ARMC9: variants seen among roughly 807,000 people sequenced by gnomAD.
The protein encoded by ARMC9 is lisH domain-containing protein ARMC9.
A neutral mutation model predicts 107.0 loss-of-function variants in ARMC9; 94 were observed. The observed-to-expected ratio is 0.88, with a 90% CI of 0.74 to 1.04. The LOEUF is 1.04. ARMC9 is among the 50% of genes least tolerant of loss of function. The probability of loss-of-function intolerance (pLI) is 0.00; values close to 1 mark genes in which losing one functional copy is unlikely to be tolerated. For synonymous variants in ARMC9, 380 were observed against 396.9 expected (o/e 0.96, Z 0.51); for missense variants, 942 against 1,030.1 (o/e 0.91, Z 1.17).
At chr2:231,330,575 A>G (rs1669078) in intron 19 of ARMC9, among the ~76,000 whole-genome samples, 55,282 of 151,852 alleles carry the variant, frequency 0.36, 10,253 homozygotes, top group African/African-American at 0.42. Context: ...CCTCCTTACC[A>G]CCCAGCAGGG....
At chr2:231,235,948 A>G (rs180679131) in intron 8 of ARMC9, among the ~76,000 whole-genome samples, 24 of 152,198 alleles carry the variant, frequency 1.6e-4, no homozygotes, top group African/African-American at 5.5e-4. Context: ...GGCCCTTTTT[A>G]AAAAATATAT....
chr2:231,291,202 A>G lies in ARMC9; in HGVS notation c.1627-151A>G, dbSNP rs2040963022. ...GAATTTTTGTATCTATCTCTTAAAC[A>G]TATCTGTCTCCTCTTCTCTGTCCCC... is the stretch of plus-strand genomic sequence containing the variant. On this transcript the variant is annotated intron_variant, in intron 17 of 24. Transcript: ENST00000611582. The G allele has an allele frequency of 2.9e-5, 17 of 587,494 alleles. 1 individual carries two copies. The South Asian group carries it at 3.0e-4, about 10-fold the overall frequency. 36.4% of individuals were successfully genotyped at this position (587,494 alleles called of 1,614,324 possible).
Position 231,259,069 on chromosome 2 carries a change from C to T in ARMC9, c.993C>T (p.Arg331=). 1 of 1,614,138 alleles carries T rather than the reference C, an allele frequency of 6.2e-7. No individual in the cohort carries two copies. The highest frequency in any genetic ancestry group is 8.5e-7 in the Non-Finnish European group (1 of 1,179,992). ...LKKDLILGSD[R]LKAFLLQALR... The stretch of plus-strand genomic sequence containing the variant: ...AGGATTTGATTTTGGGGAGTGACCG[C>T]TTGAAAGCCTTCTTGTTGCAGGCTC... The change falls in exon 11 of 25, where the codon CGC becomes CGT. Residue 331 remains arginine, a synonymous_variant. Transcript: ENST00000611582.
In ARMC9 at chr2:231,277,687, C is replaced by T. The variant is rs140204053; in HGVS notation, c.1475-695C>T. 3.5e-3 allele frequency among the ~76,000 whole-genome samples: 524 copies of T among 151,818 alleles called. 4 individuals carry two copies. Among genetic ancestry groups the T allele is most frequent in the African/African-American group, 0.012 (487 of 41,378 alleles). ...AAGCGATTCTCCTGCCTCAGCCTCC[C>T]GAGTAGCTGGGATTACAGGTGCCCA... On this transcript the variant is annotated intron_variant, in intron 15 of 24. Transcript: ENST00000611582.
intron 8 of ARMC9, among the ~76,000 whole-genome samples, chr2:231,239,216 T>C (rs974366546): frequency 2.0e-5 from 3 of 152,248 alleles, no homozygotes; most frequent in Admixed American, 2.0e-4. Context: ...ACATTATTTT[T>C]TTAAAAAGAA....
rs139949634 is a variant in ARMC9 at position 231,309,461 on chromosome 2, GATAA to G, written c.1773+13215_1773+13218del. Among the ~76,000 whole-genome samples the G allele has an allele frequency of 6.5e-3, 986 of 152,134 alleles. 16 individuals carry two copies. Among genetic ancestry groups the G allele is most frequent in the African/African-American group, 0.022 (925 of 41,496 alleles). On this transcript the variant is annotated intron_variant, in intron 19 of 24. Coordinates refer to ENST00000611582, the MANE Select transcript of ARMC9 (RefSeq NM_001352754.2). ...GCATATTTCTAGTTTTTCATTATTTGATAAATAAATGCATTCTACATTATTTCAT... is the reference window on the plus strand; with the variant it reads ...GCATATTTCTAGTTTTTCATTATTTGATAAATGCATTCTACATTATTTCAT...
intron 23 of ARMC9, 150 bp downstream of exon 23, chr2:231,361,033 C>T: frequency 7.7e-7 from 1 of 1,297,864 alleles, no homozygotes; most frequent in Non-Finnish European, 1.0e-6. Flanking sequence ...GTCAAGATTC[C>T]CAGCGGAGTG....
At chr2:231,371,366 G>A in intron 24 of ARMC9, 147 bp from the exon 25 acceptor site, 1 of 994,770 alleles carries the variant, frequency 1.0e-6, no homozygotes, top group African/African-American at 1.6e-5. Flanking sequence ...CGGCCCGCCA[G>A]TCGAGCCCAG....
intron 21 of ARMC9, 54 bp downstream of exon 21, chr2:231,345,144 T>G: frequency 1.9e-6 from 3 of 1,602,378 alleles, no homozygotes; most frequent in Non-Finnish European, 2.5e-6. Flanking sequence ...TTGTTTTGAT[T>G]ACAGTGTAAG....
At chr2:231,269,761 A>G (rs1223635020) in intron 12 of ARMC9, among the ~76,000 whole-genome samples, 2 of 152,034 alleles carry the variant, frequency 1.3e-5, no homozygotes, top group African/African-American at 4.8e-5. Flanking sequence ...CTCTTGTTTC[A>G]TGGATATAAT....
At chr2:231,314,808 A>G (rs951931336) in intron 19 of ARMC9, among the ~76,000 whole-genome samples, 1 of 152,114 alleles carries the variant, frequency 6.6e-6, no homozygotes, top group South Asian at 2.1e-4. Context: ...TAGGTATAGG[A>G]CCATTTTTAG....
intron 9 of ARMC9, 166 bp downstream of exon 9, chr2:231,240,207 G>A (rs1251539167): frequency 3.0e-6 from 2 of 672,736 alleles, no homozygotes; most frequent in African/African-American, 3.6e-5. Flanking sequence ...TTTTTGAAGA[G>A]GGTACAGCTG....
At chr2:231,252,721 C>G (rs1042157592) in intron 9 of ARMC9, among the ~76,000 whole-genome samples, 2 of 151,984 alleles carry the variant, frequency 1.3e-5, no homozygotes, top group Admixed American at 1.3e-4. Flanking sequence ...ACTGCAGCCT[C>G]AACCTCCCAG....
chr2:231,340,758 C>T (rs2044447740), intron 20 of ARMC9, among the ~76,000 whole-genome samples: 1 of 152,068 alleles, frequency 6.6e-6, no homozygotes, highest in South Asian at 2.1e-4. Context: ...CATGGTGGCA[C>T]ATGCCTGTAG....
rs115863912 is a variant in ARMC9 at position 231,360,992 on chromosome 2, C to T, written c.2261+109C>T. On this transcript the variant is annotated intron_variant, in intron 23 of 24. Coordinates refer to ENST00000611582, the MANE Select transcript of ARMC9 (RefSeq NM_001352754.2). The surrounding 1 kb of genome is among the most constrained non-coding windows in gnomAD (Gnocchi z 4.7). ...AGACCTGGAAGGCTCCTCTGAGGCC[C>T]AGCCTCTGACAGGGGAGGCTAAGGA... 1.8e-3 allele frequency: 2,586 copies of T among 1,406,160 alleles called. 47 individuals are homozygous for T. The African/African-American group carries it at 0.029, about 16-fold the overall frequency. 87.1% of individuals were successfully genotyped at this position (1,406,160 alleles called of 1,614,324 possible).
chr2:231,255,052 C>A lies in ARMC9; in HGVS notation c.880-1534C>A, dbSNP rs569179711. Among the ~76,000 whole-genome samples the A allele has an allele frequency of 6.6e-6, 1 of 152,286 alleles. No homozygotes were observed. Among genetic ancestry groups the A allele is most frequent in the Non-Finnish European group, 1.5e-5 (1 of 68,034 alleles). Reference sequence around the variant, plus strand: ...CCATATTCAAGATTTTCCTTATTTTCTCAAAATATCTTTTTACAGTTGGTT... The same window carrying A: ...CCATATTCAAGATTTTCCTTATTTTATCAAAATATCTTTTTACAGTTGGTT... On this transcript the variant is annotated intron_variant, in intron 9 of 24. Coordinates refer to ENST00000611582, the MANE Select transcript of ARMC9 (RefSeq NM_001352754.2). This position sits in a 1 kb window ranked among gnomAD's most constrained non-coding sequence, Gnocchi z 4.7.
At chr2:231,341,383 C>T (rs960769300) in intron 20 of ARMC9, among the ~76,000 whole-genome samples, 5 of 152,198 alleles carry the variant, frequency 3.3e-5, no homozygotes, top group Admixed American at 1.3e-4. Context: ...TCTGCCCCTA[C>T]AGTGCTTTCC....
chr2:231,256,712 AG>A, intron 10 of ARMC9, 92 bp downstream of exon 10: 1 of 1,372,652 alleles, frequency 7.3e-7, no homozygotes, highest in South Asian at 1.2e-5. Flanking sequence ...TTAGCAGCCT[AG>A]GTTAGAGGAA....
At chr2:231,244,981 A>G (rs1484661702) in intron 9 of ARMC9, among the ~76,000 whole-genome samples, 1 of 152,220 alleles carries the variant, frequency 6.6e-6, no homozygotes, top group Non-Finnish European at 1.5e-5. Flanking sequence ...ACACCACAAG[A>G]GGAAAGAAGT....
Sources: allele counts gnomAD v4.1 joint callset (sites outside exome capture counted in the v4.1 genomes callset), GRCh38; gene constraint gnomAD v4.1.1; non-coding constraint Gnocchi (gnomAD v3.1); transcripts MANE v1.5; gene names NCBI Gene and HGNC (gene_info 2026-07-23, HGNC 2026-07-21).